The following NYAP2 variants were observed in gnomAD, a reference collection of about 807,000 sequenced individuals.
The protein encoded by NYAP2 is neuronal tyrosine-phosphorylated phosphoinositide-3-kinase adapter 2.
NYAP2 carries 23 observed loss-of-function variants against 50.4 expected under a neutral mutation model. The observed-to-expected ratio is 0.46, with a 90% confidence interval of 0.33 to 0.65. NYAP2 has a LOEUF of 0.65. NYAP2 is among the 30% of genes least tolerant of loss of function. NYAP2 has a pLI of 0.02. For missense variants in NYAP2, 885 were observed against 861.0 expected (o/e 1.03, Z -0.35); for synonymous variants, 394 against 365.2 (o/e 1.08, Z -0.90).
the NYAP2 span, among the ~76,000 whole-genome samples, chr2:225,675,629 G>A: frequency 3.3e-5 from 5 of 152,182 alleles, no homozygotes; most frequent in South Asian, 8.3e-4. Context: ...GTGTCTGATA[G>A]AATGAATTGT....
At chr2:225,513,189 A>T (rs540740119) in intron 3 of NYAP2, among the ~76,000 whole-genome samples, 182 bp from the exon 4 acceptor site, 1 of 152,192 alleles carries the variant, frequency 6.6e-6, no homozygotes, top group Admixed American at 6.5e-5. Flanking sequence ...TTTGGGGAAA[A>T]CAAAATTTAA....
At chr2:225,486,850 A>G (rs1015975145) in intron 3 of NYAP2, among the ~76,000 whole-genome samples, 15 of 152,210 alleles carry the variant, frequency 9.9e-5, no homozygotes, top group African/African-American at 3.4e-4. Flanking sequence ...TCCTCCCTAC[A>G]GATCTGAGTT....
At chr2:225,566,442 A>C (rs2106218996) in intron 4 of NYAP2, among the ~76,000 whole-genome samples, 1 of 152,326 alleles carries the variant, frequency 6.6e-6, no homozygotes, top group East Asian at 1.9e-4. Context: ...GCTTCTACAG[A>C]GTTGACTGCC....
intron 5 of NYAP2, among the ~76,000 whole-genome samples, chr2:225,619,899 T>C (rs2106252772): frequency 6.6e-6 from 1 of 152,376 alleles, no homozygotes; most frequent in East Asian, 1.9e-4. Context: ...ATTTTTGTAA[T>C]AAATTTAATT....
chr2:225,484,381 A>G (rs1690255290), intron 3 of NYAP2, among the ~76,000 whole-genome samples: 1 of 152,240 alleles, frequency 6.6e-6, no homozygotes. Context: ...GCTTCAGGCT[A>G]GTTGCTAAGT....
chr2:225,525,058 T>C (rs1167044770), intron 4 of NYAP2, among the ~76,000 whole-genome samples: 1 of 152,130 alleles, frequency 6.6e-6, no homozygotes, highest in Non-Finnish European at 1.5e-5. Flanking sequence ...CTAGTTAGAA[T>C]GGCTATTATT....
At chr2:225,544,831 T>C (rs374016966) in intron 4 of NYAP2, among the ~76,000 whole-genome samples, 2 of 152,192 alleles carry the variant, frequency 1.3e-5, no homozygotes, top group African/African-American at 2.4e-5. Context: ...TTCTTTTTGA[T>C]TGAAGTAGTT....
chr2:225,452,705 T>C (rs1400515005), intron 3 of NYAP2, among the ~76,000 whole-genome samples: 1 of 152,200 alleles, frequency 6.6e-6, no homozygotes, highest in African/African-American at 2.4e-5. Context: ...TGTTATTGTT[T>C]ATTTTGATTT....
intron 3 of NYAP2, among the ~76,000 whole-genome samples, chr2:225,493,447 C>T (rs1574642423): frequency 6.6e-6 from 1 of 152,274 alleles, no homozygotes; most frequent in African/African-American, 2.4e-5. Flanking sequence ...CTAACATGTA[C>T]AGGGTGACCA....
chr2:225,540,913 G>A (rs535989458), intron 4 of NYAP2, among the ~76,000 whole-genome samples: 1 of 152,224 alleles, frequency 6.6e-6, no homozygotes, highest in African/African-American at 2.4e-5. Context: ...AACTGTCTAT[G>A]AGGGTTCATT....
intron 2 of NYAP2, among the ~76,000 whole-genome samples, chr2:225,405,543 CAA>C (rs1161262809): frequency 6.6e-6 from 1 of 151,866 alleles, no homozygotes; most frequent in African/African-American, 2.4e-5. Flanking sequence ...TTCTGAAAAA[CAA>C]AGAGATTTAT....
At chr2:225,579,655 G>A (rs1241796181) in intron 4 of NYAP2, among the ~76,000 whole-genome samples, 1 of 152,132 alleles carries the variant, frequency 6.6e-6, no homozygotes, top group Non-Finnish European at 1.5e-5. Context: ...CACCAGTGTT[G>A]TTCATCAACC....
At chr2:225,583,138 G>T in intron 5 of NYAP2, 103 bp downstream of exon 5, 1 of 1,341,982 alleles carries the variant, frequency 7.5e-7, no homozygotes, top group East Asian at 2.5e-5. Context: ...GGGGTCTTGA[G>T]GCCTTGGAGT....
At chr2:225,420,897 C>T (rs1162327926) in intron 3 of NYAP2, among the ~76,000 whole-genome samples, 1 of 152,054 alleles carries the variant, frequency 6.6e-6, no homozygotes, top group African/African-American at 2.4e-5. Context: ...GGATTTCTTT[C>T]TACAGGGATT....
chr2:225,628,823 T>C (rs749473153), intron 6 of NYAP2, among the ~76,000 whole-genome samples: 5 of 152,154 alleles, frequency 3.3e-5, no homozygotes, highest in Non-Finnish European at 5.9e-5. Flanking sequence ...ATCAGAAGCA[T>C]TCTCTGGGTT....
chr2:225,584,555 T>C (rs902223018), intron 5 of NYAP2, among the ~76,000 whole-genome samples: 8 of 152,256 alleles, frequency 5.3e-5, no homozygotes, highest in African/African-American at 1.9e-4. Context: ...TCCATGTGAT[T>C]TTTTATTTAT....
chr2:225,690,828 AAT>A, the NYAP2 span, among the ~76,000 whole-genome samples: 1 of 152,102 alleles, frequency 6.6e-6, no homozygotes, highest in South Asian at 2.1e-4. Context: ...CGTGTGAATC[AAT>A]ACTCTTGATT....
intron 5 of NYAP2, among the ~76,000 whole-genome samples, chr2:225,597,807 C>T (rs2106239755): frequency 6.6e-6 from 1 of 151,488 alleles, no homozygotes; most frequent in Non-Finnish European, 1.5e-5. Context: ...CAGGACAATA[C>T]CTTGTAAATG....
intron 3 of NYAP2, among the ~76,000 whole-genome samples, chr2:225,495,886 G>T (rs1268923495): frequency 6.6e-6 from 1 of 152,210 alleles, no homozygotes; most frequent in Non-Finnish European, 1.5e-5. Flanking sequence ...AATCTGGTTT[G>T]TTGCTGAGGT....
Sources: gnomAD v4.1 joint callset for allele counts (sites outside exome capture counted in the v4.1 genomes callset) on GRCh38, gnomAD v4.1.1 for gene constraint, MANE v1.5 for transcripts, NCBI Gene and HGNC (gene_info 2026-07-23, HGNC 2026-07-21) for gene names.